Variants in ATAD1 observed in about 807,000 individuals in gnomAD.
ATAD1 encodes the protein outer mitochondrial transmembrane helix translocase.
ATAD1 carries 18 observed loss-of-function variants against 42.7 expected under a neutral mutation model. The ratio of observed to expected loss-of-function variants is 0.42; its 90% CI spans 0.29 to 0.63. The LOEUF (loss-of-function observed/expected upper bound fraction) is 0.63, where lower values mean the gene tolerates loss of function less well. Ranked by LOEUF, ATAD1 falls within the 20% of genes least tolerant of loss-of-function variation. The pLI is 0.19. For synonymous variants in ATAD1, 132 were observed against 143.1 expected, an observed-to-expected ratio of 0.92 and a Z score of 0.55; for missense variants, 294 against 440.4, an observed-to-expected ratio of 0.67 and a Z score of 2.98.
chr10:87,772,878 C>G lies in ATAD1; in HGVS notation c.691-1837G>C, dbSNP rs955932857. On this transcript the variant is annotated intron_variant, in intron 6 of 9. Coordinates refer to ENST00000680024, the MANE Select transcript of ATAD1 (RefSeq NM_001321967.2). Reference sequence around the variant, plus strand: ...AATACAAATGAGCTAAAATATAAAACAGGAAGTGACAGTAATTTTTTACTA... The same window carrying G: ...AATACAAATGAGCTAAAATATAAAAGAGGAAGTGACAGTAATTTTTTACTA... Among the ~76,000 whole-genome samples the G allele has an allele frequency of 3.3e-5, 5 of 152,180 alleles. No homozygotes were observed. In the East Asian group the frequency reaches 9.7e-4, roughly 29 times the overall value.
intron 3 of ATAD1, among the ~76,000 whole-genome samples, chr10:87,792,268 A>G (rs1052036964): frequency 6.6e-6 from 1 of 152,184 alleles, no homozygotes; most frequent in Non-Finnish European, 1.5e-5. Flanking sequence ...GGAGTCTAGA[A>G]TTTTGGTACA....
intron 1 of ATAD1, among the ~76,000 whole-genome samples, chr10:87,825,878 A>AT (rs918635801): frequency 2.4e-4 from 37 of 151,954 alleles, no homozygotes; most frequent in African/African-American, 7.0e-4. Context: ...AGTACAACAC[A>AT]TTTTTTTGTT....
intron 1 of ATAD1, chr10:87,832,932 G>T (rs993462663): frequency 1.3e-5 from 2 of 152,112 alleles, no homozygotes; most frequent in Non-Finnish European, 2.9e-5. Flanking sequence ...ACCTGGGCTG[G>T]TCCACCCCTC....
intron 1 of ATAD1, among the ~76,000 whole-genome samples, chr10:87,825,238 C>T (rs187657936): frequency 1.1e-4 from 16 of 151,610 alleles, no homozygotes; most frequent in East Asian, 1.9e-4. Flanking sequence ...GAAAGTGAGA[C>T]GCTGAACAAG....
rs545201362 is a variant in ATAD1 at position 87,797,448 on chromosome 10, T to C, written c.163-4693A>G. Among the ~76,000 whole-genome samples the C allele has an allele frequency of 2.9e-3, 441 of 151,178 alleles. 1 individual carries two copies. Among genetic ancestry groups the C allele is most frequent in the African/African-American group, 0.01 (415 of 40,938 alleles). On this transcript the variant is annotated intron_variant, in intron 2 of 9. Coordinates refer to ENST00000680024, the MANE Select transcript of ATAD1 (RefSeq NM_001321967.2). ...TACCTCCTTCCCCCTTTGCCATCTG[T>C]AGTACCAAAAAATCTAGAGAAGGTT...
chr10:87,785,458 C>T lies in ATAD1; in HGVS notation c.383-788G>A, dbSNP rs559902035. Reference sequence around the variant, plus strand: ...AGTACTACATGATCTGGCACCTAAACTTAGTACTAAGATGGTTATTAAAAT... The same window carrying T: ...AGTACTACATGATCTGGCACCTAAATTTAGTACTAAGATGGTTATTAAAAT... On this transcript the variant is annotated intron_variant, in intron 4 of 9. Transcript: ENST00000680024. 3.5e-3 allele frequency among the ~76,000 whole-genome samples: 528 copies of T among 150,504 alleles called. 4 individuals carry two copies. Among genetic ancestry groups the T allele is most frequent in the African/African-American group, 0.012 (491 of 41,284 alleles).
chr10:87,765,565 C>A (rs1854704462), intron 8 of ATAD1, among the ~76,000 whole-genome samples: 3 of 151,874 alleles, frequency 2.0e-5, no homozygotes, highest in African/African-American at 7.3e-5. Context: ...ATACAAAGGG[C>A]AAATCTCCAT....
chr10:87,766,852 AAG>A (rs1395219550), intron 8 of ATAD1, among the ~76,000 whole-genome samples: 1 of 151,908 alleles, frequency 6.6e-6, no homozygotes, highest in Non-Finnish European at 1.5e-5. Context: ...TACAGGAAAA[AAG>A]AGAAGATTTT....
chr10:87,836,869 T>C (rs1857939650), intron 1 of ATAD1, among the ~76,000 whole-genome samples: 1 of 152,188 alleles, frequency 6.6e-6, no homozygotes, highest in Non-Finnish European at 1.5e-5. Context: ...TTTCCCCCAA[T>C]ACTTTTTCTC....
At chr10:87,778,178 TAAA>T (rs377243162) in intron 5 of ATAD1, among the ~76,000 whole-genome samples, 13 of 88,740 alleles carry the variant, frequency 1.5e-4, no homozygotes, top group Non-Finnish European at 1.4e-4. Flanking sequence ...TAGAATAAAT[TAAA>T]AAAAAAAAAA....
intron 1 of ATAD1, among the ~76,000 whole-genome samples, chr10:87,823,615 A>C (rs1241278722): frequency 2.0e-5 from 3 of 152,214 alleles, no homozygotes; most frequent in Admixed American, 1.3e-4. Flanking sequence ...GCATTAGTTA[A>C]AATAGAAGAA....
At chr10:87,821,372 AAAT>A (rs1184453665), upstream of ATAD1, among the ~76,000 whole-genome samples, 2 of 152,100 alleles carry the variant, frequency 1.3e-5, no homozygotes, top group African/African-American at 4.8e-5. Context: ...TACTAAAAAA[AAAT>A]ACAAAAATTA....
rs1191341979 is a variant in ATAD1, at chr10:87,754,727, G to A, written c.1046C>T (p.Ala349Val). The A allele has an allele frequency of 1.2e-6, 2 of 1,613,456 alleles. No individual in the cohort carries two copies. Among genetic ancestry groups the A allele is most frequent in the Non-Finnish European group, 1.7e-6 (2 of 1,179,636 alleles). The change falls in exon 10 of 10, where the codon GCA becomes GTA. Residue 349 changes from alanine (A) to valine (V), a missense_variant. This residue lies in a region of ATAD1 where 142 missense variants were observed against 174.6 expected (regional missense o/e 0.81). Transcript: ENST00000680024. ...ATGTGTTAAAACATTCTGAAATGCT[G>A]CATCCTTTGATTTCTTCATCTTTTC... ...AIEKMKKSKD[A>V]AFQNVLTHVC... is the part of the protein sequence containing the mutation.
At chr10:87,836,970 AC>A (rs1857942230) in intron 1 of ATAD1, among the ~76,000 whole-genome samples, 1 of 152,158 alleles carries the variant, frequency 6.6e-6, no homozygotes, top group East Asian at 1.9e-4. Flanking sequence ...TTGAACCTAT[AC>A]AATTAGTTCT....
At chr10:87,810,222 C>T (rs574413492) in intron 2 of ATAD1, among the ~76,000 whole-genome samples, 300 of 151,878 alleles carry the variant, frequency 2.0e-3, no homozygotes, top group Non-Finnish European at 3.2e-3. Context: ...ATGATCTCTA[C>T]TGTACTGCAC....
chr10:87,826,263 A>T (rs1006648725), intron 1 of ATAD1, among the ~76,000 whole-genome samples: 2 of 152,246 alleles, frequency 1.3e-5, no homozygotes, highest in African/African-American at 4.8e-5. Context: ...TGAAAGTCTC[A>T]TTCAACTTCA....
At chr10:87,769,496 C>G (rs1448160709) in intron 7 of ATAD1, among the ~76,000 whole-genome samples, 7 of 152,222 alleles carry the variant, frequency 4.6e-5, no homozygotes, top group Non-Finnish European at 7.3e-5. Context: ...ATCAACATCT[C>G]AGGCTCTCAT....
chr10:87,792,909 T>C (rs548053755), intron 2 of ATAD1, among the ~76,000 whole-genome samples, 154 bp from the exon 3 acceptor site: 2 of 152,320 alleles, frequency 1.3e-5, no homozygotes, highest in Admixed American at 6.5e-5. Flanking sequence ...GCCTTCTCCA[T>C]TGTGAGCCCT....
intron 1 of ATAD1, among the ~76,000 whole-genome samples, chr10:87,816,613 T>C (rs1337277292): frequency 6.6e-6 from 1 of 152,016 alleles, no homozygotes; most frequent in East Asian, 1.9e-4. Context: ...GGCACCTAAC[T>C]GAAATCTCTC....
Sources: gnomAD v4.1 joint callset for allele counts (sites outside exome capture counted in the v4.1 genomes callset) on GRCh38, gnomAD v4.1.1 for gene constraint, gnomAD v4.1.1 regional missense constraint, MANE v1.5 for transcripts, NCBI Gene and HGNC (gene_info 2026-07-23, HGNC 2026-07-21) for gene names.